NKAIN3: variants seen among roughly 807,000 people sequenced by gnomAD.
The protein encoded by NKAIN3 is sodium/potassium transporting ATPase interacting 3, also known as sodium/potassium-transporting ATPase subunit beta-1-interacting protein 3.
A neutral mutation model predicts 30.2 loss-of-function variants in NKAIN3; 25 were observed. The ratio of observed to expected loss-of-function variants is 0.83; its 90% CI spans 0.60 to 1.16. NKAIN3 has a LOEUF of 1.16. Ranked by LOEUF, NKAIN3 falls within the 50% of genes most tolerant of loss-of-function variation. NKAIN3 has a pLI of 0.00. For synonymous variants in NKAIN3, 91 were observed against 89.6 expected, an observed-to-expected ratio of 1.02 and a Z score of -0.09; for missense variants, 225 against 254.1, an observed-to-expected ratio of 0.89 and a Z score of 0.78.
At chr8:62,869,029 G>A (rs1310319910) in intron 4 of NKAIN3, among the ~76,000 whole-genome samples, 3 of 152,170 alleles carry the variant, frequency 2.0e-5, no homozygotes, top group African/African-American at 4.8e-5. Flanking sequence ...CCTGATAATC[G>A]CAACTACGCA....
At chr8:62,291,363 A>T (rs890504823) in intron 1 of NKAIN3, among the ~76,000 whole-genome samples, 12 of 151,956 alleles carry the variant, frequency 7.9e-5, no homozygotes, top group South Asian at 2.1e-4. Flanking sequence ...CTGCTTTCTC[A>T]TGTGGGCATT....
intron 3 of NKAIN3, among the ~76,000 whole-genome samples, chr8:62,712,016 C>T (rs1382645649): frequency 1.3e-5 from 2 of 152,242 alleles, no homozygotes; most frequent in Non-Finnish European, 1.5e-5. Context: ...CTCTTCTGGG[C>T]CTAGCTACCC....
intron 1 of NKAIN3, among the ~76,000 whole-genome samples, chr8:62,347,146 C>T (rs193140935): frequency 6.6e-6 from 1 of 152,228 alleles, no homozygotes; most frequent in East Asian, 1.9e-4. Context: ...GTGAAGGCAT[C>T]TACTGTAAGT....
intron 4 of NKAIN3, among the ~76,000 whole-genome samples, chr8:62,824,634 A>G: frequency 6.6e-6 from 1 of 152,160 alleles, no homozygotes; most frequent in East Asian, 1.9e-4. Context: ...TCTTCATGGG[A>G]GAAACATGAG....
At chr8:62,905,641 A>G (rs950621185) in intron 4 of NKAIN3, among the ~76,000 whole-genome samples, 10 of 152,154 alleles carry the variant, frequency 6.6e-5, no homozygotes, top group Non-Finnish European at 1.2e-4. Flanking sequence ...ACCATAATTA[A>G]GACCACTGAT....
chr8:62,321,772 G>C (rs940237130), intron 1 of NKAIN3, among the ~76,000 whole-genome samples: 3 of 152,168 alleles, frequency 2.0e-5, no homozygotes, highest in Admixed American at 6.5e-5. Flanking sequence ...GCTACTCAGG[G>C]ATCAGGGACC....
At chr8:62,947,317 T>C (rs1037677147) in intron 5 of NKAIN3, among the ~76,000 whole-genome samples, 3 of 152,168 alleles carry the variant, frequency 2.0e-5, no homozygotes, top group Non-Finnish European at 4.4e-5. Context: ...TCCCGTGACA[T>C]CTGCTTTGGG....
At chr8:62,347,176 G>A (rs1816031110) in intron 1 of NKAIN3, among the ~76,000 whole-genome samples, 1 of 152,142 alleles carries the variant, frequency 6.6e-6, no homozygotes, top group South Asian at 2.1e-4. Flanking sequence ...TAAAAGCAGA[G>A]AGTCCTTGGC....
chr8:62,632,691 C>G (rs934929843), intron 3 of NKAIN3, among the ~76,000 whole-genome samples: 1 of 151,822 alleles, frequency 6.6e-6, no homozygotes, highest in Admixed American at 6.6e-5. Flanking sequence ...TTAGTAGAGA[C>G]GGGGTTTCAC....
intron 4 of NKAIN3, chr8:62,863,920 T>G (rs2130791461): frequency 6.7e-6 from 8 of 1,197,370 alleles, no homozygotes; most frequent in Non-Finnish European, 1.0e-5. Context: ...CTCCTTTGGC[T>G]CTGGTGGTGT....
intron 1 of NKAIN3, among the ~76,000 whole-genome samples, chr8:62,331,604 T>A (rs953188200): frequency 2.6e-5 from 4 of 152,168 alleles, no homozygotes; most frequent in African/African-American, 9.6e-5. Context: ...TTAAGAACCT[T>A]TTTATCTTCT....
intron 4 of NKAIN3, among the ~76,000 whole-genome samples, chr8:62,796,030 T>C (rs566978645): frequency 7.2e-4 from 109 of 152,094 alleles, no homozygotes; most frequent in Non-Finnish European, 1.4e-3. Flanking sequence ...CTGTCTTCAA[T>C]TCTCCACCTT....
chr8:62,957,764 G>A (rs909048489), intron 6 of NKAIN3, among the ~76,000 whole-genome samples: 13 of 152,164 alleles, frequency 8.5e-5, no homozygotes, highest in Non-Finnish European at 1.6e-4. Flanking sequence ...GAACTACTCT[G>A]TATGACATTG....
At chr8:62,693,431 G>A (rs1255081600) in intron 3 of NKAIN3, among the ~76,000 whole-genome samples, 2 of 152,124 alleles carry the variant, frequency 1.3e-5, no homozygotes, top group East Asian at 3.8e-4. Flanking sequence ...TTGTTTTCAT[G>A]TGACTTGCAG....
At chr8:62,305,523 A>G (rs1019921007) in intron 1 of NKAIN3, among the ~76,000 whole-genome samples, 1 of 150,580 alleles carries the variant, frequency 6.6e-6, no homozygotes, top group South Asian at 2.1e-4. Flanking sequence ...CTCATTGACA[A>G]ATGCATTCCT....
At chr8:62,637,318 G>A (rs1441095711) in intron 3 of NKAIN3, among the ~76,000 whole-genome samples, 1 of 152,166 alleles carries the variant, frequency 6.6e-6, no homozygotes, top group African/African-American at 2.4e-5. Flanking sequence ...CTGGGCAGTA[G>A]GATGCCCATG....
chr8:62,721,881 T>C (rs1815105002), intron 3 of NKAIN3, among the ~76,000 whole-genome samples: 1 of 152,194 alleles, frequency 6.6e-6, no homozygotes, highest in African/African-American at 2.4e-5. Flanking sequence ...GTAGCCATAA[T>C]AATCTACTCA....
intron 1 of NKAIN3, among the ~76,000 whole-genome samples, chr8:62,365,441 T>C (rs1014685888): frequency 1.3e-5 from 2 of 152,212 alleles, no homozygotes; most frequent in Non-Finnish European, 2.9e-5. Context: ...CCATTATTGC[T>C]TTTTCTGCTG....
At chr8:62,774,700 A>G (rs1359933547) in intron 4 of NKAIN3, among the ~76,000 whole-genome samples, 3 of 152,144 alleles carry the variant, frequency 2.0e-5, no homozygotes, top group Non-Finnish European at 4.4e-5. Context: ...GACATGGTGT[A>G]TTACATTGTT....
Sources: allele counts gnomAD v4.1 joint callset (sites outside exome capture counted in the v4.1 genomes callset), GRCh38; gene constraint gnomAD v4.1.1; transcripts MANE v1.5; gene names NCBI Gene and HGNC (gene_info 2026-07-23, HGNC 2026-07-21).